Variants in GRAMD1C observed in about 807,000 individuals in gnomAD.
GRAMD1C encodes the protein protein Aster-C.
Under a neutral mutation model 97.8 loss-of-function variants are expected in GRAMD1C, and 89 were observed. The ratio of observed to expected loss-of-function variants is 0.91; its 90% confidence interval spans 0.77 to 1.09. The LOEUF is 1.09. Ranked by LOEUF, GRAMD1C falls within the 50% of genes least tolerant of loss-of-function variation. The pLI is 0.00. For missense variants in GRAMD1C, 740 were observed against 766.4 expected (o/e 0.97, Z 0.41); for synonymous variants, 256 against 267.0 (o/e 0.96, Z 0.40).
intron 3 of GRAMD1C, among the ~76,000 whole-genome samples, chr3:113,872,286 AAAAACTT>A (rs1311777665): frequency 2.0e-5 from 3 of 152,142 alleles, no homozygotes; most frequent in African/African-American, 2.4e-5. Context: ...ATATATAGAA[AAAAACTT>A]AAATGGGAAC....
intron 17 of GRAMD1C, 118 bp from the exon 18 acceptor site, chr3:113,945,280 G>A (rs1367240721): frequency 3.0e-6 from 2 of 658,158 alleles, no homozygotes; most frequent in Non-Finnish European, 5.4e-6. Flanking sequence ...TTTTATTTGG[G>A]CATCAGTATA....
intron 3 of GRAMD1C, among the ~76,000 whole-genome samples, chr3:113,872,196 A>G (rs567292712): frequency 1.1e-4 from 17 of 152,228 alleles, no homozygotes; most frequent in South Asian, 6.2e-4. Context: ...GACCACTTCA[A>G]TGTTCTTCCT....
At chr3:113,876,283 T>A in intron 5 of GRAMD1C, 23 bp downstream of exon 5, 1 of 1,223,414 alleles carries the variant, frequency 8.2e-7, no homozygotes, top group Non-Finnish European at 1.2e-6. Flanking sequence ...CTATCTTTGT[T>A]ATATTACATA....
At chr3:113,904,371 A>C in intron 8 of GRAMD1C, 99 bp downstream of exon 8, 1 of 861,560 alleles carries the variant, frequency 1.2e-6, no homozygotes, top group South Asian at 1.9e-5. Flanking sequence ...TGTTAAAAAT[A>C]AGATATCAGA....
upstream of GRAMD1C, among the ~76,000 whole-genome samples, chr3:113,834,964 A>G (rs1035331657): frequency 6.7e-6 from 1 of 148,360 alleles, no homozygotes; most frequent in Non-Finnish European, 1.5e-5. Context: ...AAAGACACTG[A>G]TATTTCCTTT....
Position 113,901,719 on chromosome 3 carries a change from A to C in GRAMD1C, c.656+573A>C, listed in dbSNP as rs78929385. On this transcript the variant is annotated intron_variant, in intron 7 of 17. Transcript: ENST00000358160. Reference sequence around the variant, plus strand: ...TTTTGACTGATGAGGATTCATTTAGAAGAGTGGACATTTTTATTAACCTCT... The same window carrying C: ...TTTTGACTGATGAGGATTCATTTAGCAGAGTGGACATTTTTATTAACCTCT... Among the ~76,000 whole-genome samples the C allele has an allele frequency of 1.1e-3, 164 of 152,326 alleles. 1 individual carries two copies. Among genetic ancestry groups the C allele is most frequent in the African/African-American group, 3.8e-3 (159 of 41,568 alleles).
upstream of GRAMD1C, among the ~76,000 whole-genome samples, chr3:113,834,763 G>C (rs1709610430): frequency 6.9e-6 from 1 of 145,450 alleles, no homozygotes; most frequent in South Asian, 2.2e-4. Context: ...GTGAAACTCT[G>C]TCTCTACTAA....
chr3:113,913,866 A>G (rs975499806), intron 9 of GRAMD1C, among the ~76,000 whole-genome samples: 5 of 152,214 alleles, frequency 3.3e-5, no homozygotes, highest in African/African-American at 7.2e-5. Context: ...ACATTTGAAA[A>G]GGTCACAAAA....
intron 1 of GRAMD1C, among the ~76,000 whole-genome samples, chr3:113,843,972 A>G (rs971360340): frequency 1.3e-5 from 2 of 152,210 alleles, no homozygotes; most frequent in Non-Finnish European, 2.9e-5. Flanking sequence ...AGTTGTACAA[A>G]CGGACACTCC....
intron 9 of GRAMD1C, among the ~76,000 whole-genome samples, chr3:113,909,839 C>A (rs1936503075): frequency 6.6e-6 from 1 of 152,090 alleles, no homozygotes; most frequent in Non-Finnish European, 1.5e-5. Flanking sequence ...TTACTCAGAA[C>A]AATACTCAAA....
intron 2 of GRAMD1C, chr3:113,850,625 T>C: frequency 6.2e-7 from 1 of 1,607,700 alleles, no homozygotes; most frequent in Non-Finnish European, 8.5e-7. Context: ...CATTCTTGTC[T>C]GCCAGCTCGG....
In GRAMD1C at chr3:113,865,851, G is replaced by A. The variant is rs1934563330; in HGVS notation, c.175-3656G>A. Among the ~76,000 whole-genome samples the A allele has an allele frequency of 2.0e-5, 3 of 152,028 alleles. No individual in the cohort carries two copies. In the South Asian group the frequency reaches 6.2e-4, roughly 32 times the overall value. On this transcript the variant is annotated intron_variant, in intron 2 of 17. Transcript: ENST00000358160. Reference sequence around the variant, plus strand: ...TACAGCTGTCAAGCAATCTGGAATTGTCCTTTCCATTTGTAAGGATTAAGA... The same window carrying A: ...TACAGCTGTCAAGCAATCTGGAATTATCCTTTCCATTTGTAAGGATTAAGA...
At chr3:113,842,444 C>T (rs1374023239) in intron 1 of GRAMD1C, among the ~76,000 whole-genome samples, 2 of 152,126 alleles carry the variant, frequency 1.3e-5, no homozygotes, top group Non-Finnish European at 2.9e-5. Context: ...ACTTCAGTTT[C>T]AGTTTTTTTT....
In GRAMD1C at chr3:113,877,707, C is replaced by T. The variant is rs565368175; in HGVS notation, c.459+1447C>T. On this transcript the variant is annotated intron_variant, in intron 5 of 17. Transcript: ENST00000358160. ...CATTACTGGTCATATTTACTTTGAA[C>T]GTTCGATTAAGGTGGTGTCTGCAGA... Among the ~76,000 whole-genome samples, 55 of 152,068 alleles carry T rather than the reference C, an allele frequency of 3.6e-4. 1 individual carries two copies. Among genetic ancestry groups the T allele is most frequent in the Admixed American group, 3.3e-3 (51 of 15,266 alleles).
intron 10 of GRAMD1C, chr3:113,920,043 T>C (rs1936979925): frequency 7.7e-6 from 7 of 905,862 alleles, no homozygotes. Flanking sequence ...TTTTTGAATT[T>C]AGTGTTTGTT....
intron 2 of GRAMD1C, chr3:113,850,526 C>G: frequency 1.3e-6 from 2 of 1,590,446 alleles, no homozygotes; most frequent in Non-Finnish European, 1.7e-6. Flanking sequence ...TGGTAAGGTA[C>G]CAGTAGAAAT....
intron 2 of GRAMD1C, among the ~76,000 whole-genome samples, chr3:113,867,492 A>AT (rs1577142033): frequency 1.3e-5 from 2 of 151,994 alleles, no homozygotes; most frequent in African/African-American, 4.8e-5. Context: ...GGGTTTCACT[A>AT]TTTTGGCCAG....
At chr3:113,934,557 T>A (rs1559825019) in intron 13 of GRAMD1C, 22 bp downstream of exon 13, 1 of 1,058,968 alleles carries the variant, frequency 9.4e-7, no homozygotes, top group Non-Finnish European at 1.4e-6. Flanking sequence ...TTTTTATTTA[T>A]CTATTTTTGT....
intron 11 of GRAMD1C, 31 bp from the exon 12 acceptor site, chr3:113,933,480 C>T (rs773689322): frequency 2.0e-6 from 3 of 1,527,222 alleles, no homozygotes; most frequent in Non-Finnish European, 2.7e-6. Context: ...TAAGCATATA[C>T]ATACAAACAT....
Sources: gnomAD v4.1 joint callset for allele counts (sites outside exome capture counted in the v4.1 genomes callset) on GRCh38, gnomAD v4.1.1 for gene constraint, MANE v1.5 for transcripts, NCBI Gene and HGNC (gene_info 2026-07-23, HGNC 2026-07-21) for gene names.